Variants in HSPG2 observed in about 807,000 individuals in gnomAD.
HSPG2 encodes heparan sulfate proteoglycan 2.
A neutral mutation model predicts 526.6 loss-of-function variants in HSPG2; 278 were observed. That is an observed-to-expected ratio of 0.53 (90% CI 0.48 to 0.58). HSPG2 has a LOEUF of 0.58. Ranked by LOEUF, HSPG2 falls within the 20% of genes least tolerant of loss-of-function variation. The pLI is 0.00. For synonymous variants in HSPG2, 2,465 were observed against 2,555.4 expected (o/e 0.96, Z 1.07); for missense variants, 5,354 against 6,099.5 (o/e 0.88, Z 4.07).
intron 1 of HSPG2, among the ~76,000 whole-genome samples, chr1:21,917,737 A>G (rs116733538): frequency 9.9e-5 from 15 of 152,080 alleles, no homozygotes; most frequent in African/African-American, 3.4e-4. Flanking sequence ...GAGCTAATCT[A>G]TTCATCCATC....
intron 2 of HSPG2, 75 bp from the exon 3 acceptor site, chr1:21,896,041 TG>T (rs1642720220): frequency 1.3e-6 from 2 of 1,587,054 alleles, no homozygotes; most frequent in Middle Eastern, 1.7e-4. Flanking sequence ...GGCACTGTTC[TG>T]GGCACCTAGT....
chr1:21,866,156 A>T (rs1348264904), intron 33 of HSPG2, among the ~76,000 whole-genome samples: 1 of 152,086 alleles, frequency 6.6e-6, no homozygotes, highest in African/African-American at 2.4e-5. Flanking sequence ...AATGACCACC[A>T]TGGGGAGGCT....
intron 87 of HSPG2, 108 bp from the exon 88 acceptor site, chr1:21,829,187 T>C (rs2097990839): frequency 1.4e-6 from 2 of 1,460,028 alleles, no homozygotes. Flanking sequence ...TACAGCCTTC[T>C]GTATTCCAGA....
At chr1:21,921,807 A>C (rs1450940472) in intron 1 of HSPG2, among the ~76,000 whole-genome samples, 2 of 152,214 alleles carry the variant, frequency 1.3e-5, no homozygotes, top group South Asian at 2.1e-4. Context: ...TTGGACCACC[A>C]GCTGTCCAGG....
chr1:21,925,888 G>A (rs1213190469), intron 1 of HSPG2, among the ~76,000 whole-genome samples: 1 of 148,246 alleles, frequency 6.7e-6, no homozygotes, highest in Non-Finnish European at 1.5e-5. Flanking sequence ...TTTTTTTTTT[G>A]AGACAGTCTT....
chr1:21,890,267 T>G lies in HSPG2; in HGVS notation c.414-126A>C, dbSNP rs1016207256. Reference sequence around the variant, plus strand: ...CAGCCTGTACCCAAAGAAGGGCAACTAAAGGTCCCAATGATCCCCCGACCA... The same window carrying G: ...CAGCCTGTACCCAAAGAAGGGCAACGAAAGGTCCCAATGATCCCCCGACCA... On this transcript the variant is annotated intron_variant, in intron 5 of 96. Coordinates refer to ENST00000374695, the MANE Select transcript of HSPG2 (RefSeq NM_005529.7). This position sits in a 1 kb window ranked among gnomAD's most constrained non-coding sequence, Gnocchi z 4.1. The G allele has an allele frequency of 3.0e-6, 4 of 1,329,518 alleles. No individual in the cohort carries two copies. The African/African-American group carries it at 5.7e-5, about 19-fold the overall frequency. 82.4% of individuals were successfully genotyped at this position (1,329,518 alleles called of 1,614,324 possible). A position where few individuals can be genotyped will look rare whatever the true frequency, so the allele number is the denominator to read the frequency against.
intron 1 of HSPG2, among the ~76,000 whole-genome samples, chr1:21,936,822 GT>G (rs1246653128): frequency 2.6e-5 from 4 of 152,244 alleles, no homozygotes; most frequent in Admixed American, 6.5e-5. Context: ...CCTGCTCAAA[GT>G]TTCCCCTCCT....
In HSPG2 at chr1:21,828,091, G is replaced by T. The variant is rs1460294944; in HGVS notation, c.12471C>A (p.Gly4157=). Residue 4157 remains glycine (G), a synonymous_variant, in exon 90 of 97, where the codon GGC becomes GGA. Transcript: ENST00000374695. This position sits in a 1 kb window ranked among gnomAD's most constrained non-coding sequence, Gnocchi z 6.0. ...CQLREPCLHG[G]TCQGTRCLCL... is the part of the protein sequence containing the mutation. ...AGAGGCAGCGGGTGCCCTGGCAGGT[G>T]CCCCCATGCAGACAGGGTTCACGGA... 9 of 1,599,014 alleles carry T rather than the reference G, an allele frequency of 5.6e-6. No individual in the cohort carries two copies. Among genetic ancestry groups the T allele is most frequent in the Admixed American group, 5.0e-5 (3 of 59,594 alleles).
Position 21,842,778 on chromosome 1 carries a change from G to A in HSPG2, c.8902C>T (p.Arg2968Trp), listed in dbSNP as rs759625593. The A allele has an allele frequency of 1.9e-5, 31 of 1,613,088 alleles. No individual in the cohort carries two copies. In the East Asian group the frequency reaches 2.7e-4, roughly 14 times the overall value. ...CATCCTGGCCCCTGTACCTGGTGCC[G>A]GGCGGGGAGGCTGCCCCCGCGCTTG... The part of the protein sequence containing the change: ...WYKRGGSLPA[R>W]HQTHGSQLRL... Residue 2968 changes from arginine to tryptophan, a missense_variant, in exon 67 of 97, where the codon CGG becomes TGG. By Grantham distance (101) the Arg-to-Trp change is moderately radical. Transcript: ENST00000374695.
rs535212568 is a variant in HSPG2, at chr1:21,839,048, C to T, written c.9927G>A (p.Ser3309=). 3.8e-6 allele frequency: 6 copies of T among 1,595,570 alleles called. No individual in the cohort carries two copies. Among genetic ancestry groups the T allele is most frequent in the East Asian group, 2.3e-5 (1 of 44,360 alleles). ...PYATTVPEHA[S]VQAGETVQLQ... ...GCTGCACCGTCTCCCCTGCCTGCAC[C>T]GAAGCGTGCTCTGGGACCGTGGTGG... The change falls in exon 74 of 97, where the codon TCG becomes TCA. Residue 3309 remains serine, a synonymous_variant. Coordinates refer to ENST00000374695, the MANE Select transcript of HSPG2 (RefSeq NM_005529.7). The surrounding 1 kb of genome is among the most constrained non-coding windows in gnomAD (Gnocchi z 4.5).
intron 39 of HSPG2, 136 bp downstream of exon 39, chr1:21,861,621 G>A: frequency 1.2e-6 from 1 of 824,504 alleles, no homozygotes; most frequent in East Asian, 2.7e-5. Context: ...GAGCAATGAG[G>A]TGTCTTAGAA....
chr1:21,926,132 C>T (rs114389753), intron 1 of HSPG2, among the ~76,000 whole-genome samples: 2 of 152,140 alleles, frequency 1.3e-5, no homozygotes, highest in African/African-American at 2.4e-5. Flanking sequence ...CCCAACTCCC[C>T]CTCCTGATGC....
chr1:21,824,407 C>G lies in HSPG2; in HGVS notation c.12745-31G>C. 6.2e-7 allele frequency: 1 copy of G among 1,612,612 alleles called. No individual in the cohort carries two copies. The highest frequency in any genetic ancestry group is 1.1e-5 in the South Asian group (1 of 91,058). On this transcript the variant is annotated intron_variant, in intron 93 of 96. Transcript: ENST00000374695. This position sits in a 1 kb window ranked among gnomAD's most constrained non-coding sequence, Gnocchi z 5.9. ...AGGGAAGCACAGGGTCTCTGGGGTC[C>G]CCAGCCTGGAGAGCAGAGGCTGCCG...
intron 33 of HSPG2, among the ~76,000 whole-genome samples, chr1:21,868,261 A>T (rs2152740418): frequency 6.7e-6 from 1 of 149,586 alleles, no homozygotes; most frequent in South Asian, 2.1e-4. Flanking sequence ...CTGGTCTCGA[A>T]CTCCTGACCT....
chr1:21,829,222 G>T, intron 87 of HSPG2, 143 bp from the exon 88 acceptor site: 1 of 1,390,184 alleles, frequency 7.2e-7, no homozygotes, highest in Non-Finnish European at 9.9e-7. Flanking sequence ...CTCAGAGAGG[G>T]CTAGGGATTG....
At chr1:21,831,593 C>A (rs766713689) in intron 82 of HSPG2, 31 bp from the exon 83 acceptor site, 1 of 1,613,916 alleles carries the variant, frequency 6.2e-7, no homozygotes, top group Non-Finnish European at 8.5e-7. Flanking sequence ...GGAATGGCAA[C>A]AGAGGCTGGG....
rs180775835 is a variant in HSPG2, at chr1:21,908,110, A to G, written c.64-11800T>C. On this transcript the variant is annotated intron_variant, in intron 1 of 96. Transcript: ENST00000374695. Reference sequence around the variant, plus strand: ...GTAATTCGCCAAAATGACGAACACAAAGGGAAAGAGGAGAGGCACCCAATA... The same window carrying G: ...GTAATTCGCCAAAATGACGAACACAGAGGGAAAGAGGAGAGGCACCCAATA... 34 of 811,428 alleles carry G rather than the reference A, an allele frequency of 4.2e-5. No individual in the cohort carries two copies. In the East Asian group the frequency reaches 7.7e-4, roughly 18 times the overall value. 50.3% of individuals were successfully genotyped at this position (811,428 alleles called of 1,614,324 possible). A position where few individuals can be genotyped will look rare whatever the true frequency, so the allele number is the denominator to read the frequency against.
intron 1 of HSPG2, among the ~76,000 whole-genome samples, chr1:21,923,357 G>T (rs1428776602): frequency 6.6e-6 from 1 of 151,932 alleles, no homozygotes; most frequent in African/African-American, 2.4e-5. Flanking sequence ...AGTGAGCCGA[G>T]ATCATGCCAT....
In HSPG2 at chr1:21,855,824, G is replaced by A. The variant is rs199838549; in HGVS notation, c.5664C>T (p.Ser1888=). The A allele has an allele frequency of 2.5e-6, 4 of 1,613,000 alleles. No individual in the cohort carries two copies. The highest frequency in any genetic ancestry group is 1.7e-5 in the Admixed American group (1 of 59,964). The part of the protein sequence containing the change: ...QPGQLAEFRC[S]ATGSPTPTLE... ...GGGTGGGCGTGGGGCTCCCTGTGGC[G>A]CTGCAGCGGAACTCCGCCAGTTGCC... is the stretch of plus-strand genomic sequence containing the variant. The change falls in exon 45 of 97, where the codon AGC becomes AGT. Residue 1888 remains serine, a synonymous_variant. Transcript: ENST00000374695.
Sources: gnomAD v4.1 joint callset for allele counts (sites outside exome capture counted in the v4.1 genomes callset) on GRCh38, gnomAD v4.1.1 for gene constraint, Gnocchi (gnomAD v3.1) non-coding constraint, MANE v1.5 for transcripts, NCBI Gene and HGNC (gene_info 2026-07-23, HGNC 2026-07-21) for gene names.